The following CLVS1 variants were observed in gnomAD, a reference collection of about 807,000 sequenced individuals.
The protein encoded by CLVS1 is clavesin 1.
In CLVS1, 10 loss-of-function variants were observed where a neutral mutation model predicts 33.1. The observed-to-expected ratio is 0.30, with a 90% CI of 0.19 to 0.51. The LOEUF is 0.51. CLVS1 is among the 20% of genes least tolerant of loss of function. The pLI is 0.97. For missense variants in CLVS1, 343 were observed against 433.4 expected, an observed-to-expected ratio of 0.79 and a Z score of 1.85; for synonymous variants, 163 against 166.1, an observed-to-expected ratio of 0.98 and a Z score of 0.14.
intron 3 of CLVS1, among the ~76,000 whole-genome samples, chr8:61,392,058 C>A (rs1814323345): frequency 6.6e-6 from 1 of 152,052 alleles, no homozygotes; most frequent in Non-Finnish European, 1.5e-5. Context: ...TCCATTAGCC[C>A]AAGTATAATA....
the CLVS1 span, among the ~76,000 whole-genome samples, chr8:61,018,575 C>A: frequency 2.4e-3 from 369 of 152,358 alleles, 2 homozygotes; most frequent in African/African-American, 8.5e-3. Flanking sequence ...ATTTGTGTAA[C>A]ACTGATTAAT....
chr8:61,091,018 C>G, intron 1 of CLVS1: 1 of 455,170 alleles, frequency 2.2e-6, no homozygotes, highest in Non-Finnish European at 4.3e-6. Flanking sequence ...GCACCCTAAT[C>G]CCCAGAACCT....
intron 2 of CLVS1, chr8:61,202,785 C>A (rs1036691478): frequency 6.7e-7 from 1 of 1,485,878 alleles, no homozygotes; most frequent in Non-Finnish European, 9.3e-7. Context: ...GATCTGCCCT[C>A]GGAGGTAGTA....
intron 1 of CLVS1, among the ~76,000 whole-genome samples, chr8:61,069,614 C>T (rs1253548162): frequency 3.9e-5 from 6 of 152,108 alleles, no homozygotes; most frequent in African/African-American, 1.4e-4. Flanking sequence ...GTTTCTGCTT[C>T]CTCTCACCTA....
At chr8:61,273,662 C>T (rs1809502667) in intron 2 of CLVS1, among the ~76,000 whole-genome samples, 1 of 152,230 alleles carries the variant, frequency 6.6e-6, no homozygotes, top group Non-Finnish European at 1.5e-5. Context: ...GCGTAGGACC[C>T]TCCGAGCCAG....
At chr8:61,242,376 G>C (rs1365730682) in intron 2 of CLVS1, among the ~76,000 whole-genome samples, 2 of 151,838 alleles carry the variant, frequency 1.3e-5, no homozygotes, top group Non-Finnish European at 2.9e-5. Flanking sequence ...AATTGTTTCT[G>C]TACATTTACC....
chr8:61,004,344 G>A, the CLVS1 span, among the ~76,000 whole-genome samples: 123 of 152,284 alleles, frequency 8.1e-4, no homozygotes, highest in African/African-American at 2.8e-3. Flanking sequence ...TGTAAAGGGA[G>A]GAAACAACTC....
At chr8:61,214,278 C>T (rs1447529617) in intron 2 of CLVS1, among the ~76,000 whole-genome samples, 3 of 152,152 alleles carry the variant, frequency 2.0e-5, no homozygotes, top group Non-Finnish European at 4.4e-5. Context: ...GTGACCCACA[C>T]CTATTCACAC....
the CLVS1 span, among the ~76,000 whole-genome samples, chr8:60,987,104 A>G: frequency 6.6e-6 from 1 of 152,178 alleles, no homozygotes; most frequent in East Asian, 1.9e-4. Context: ...GTCCAGAGGC[A>G]TTTCTAAGAC....
chr8:61,114,579 C>T (rs559217782), intron 1 of CLVS1, among the ~76,000 whole-genome samples: 7 of 152,322 alleles, frequency 4.6e-5, no homozygotes, highest in African/African-American at 1.7e-4. Flanking sequence ...AGCTGCTACA[C>T]TACATTTCTT....
chr8:61,108,918 G>A (rs1040555006), intron 1 of CLVS1, among the ~76,000 whole-genome samples: 1 of 152,236 alleles, frequency 6.6e-6, no homozygotes. Context: ...CCTTAAGCAG[G>A]ACAACAGCTT....
At chr8:61,466,731 T>C (rs181136067) in intron 5 of CLVS1, among the ~76,000 whole-genome samples, 1,981 of 152,300 alleles carry the variant, frequency 0.013, 46 homozygotes, top group African/African-American at 0.045. Context: ...CACTGCAACC[T>C]CCACCTCCCG....
chr8:61,047,355 T>G, the CLVS1 span, among the ~76,000 whole-genome samples: 2 of 152,230 alleles, frequency 1.3e-5, no homozygotes, highest in African/African-American at 2.4e-5. Context: ...TTACACTGTT[T>G]GTGGAACTGT....
At chr8:61,280,925 G>A (rs1193837963) in intron 2 of CLVS1, among the ~76,000 whole-genome samples, 1 of 152,140 alleles carries the variant, frequency 6.6e-6, no homozygotes, top group East Asian at 1.9e-4. Flanking sequence ...ACCACGCTTG[G>A]AGATCATTAA....
At chr8:61,247,813 C>T (rs1033020452) in intron 2 of CLVS1, among the ~76,000 whole-genome samples, 3 of 152,112 alleles carry the variant, frequency 2.0e-5, no homozygotes, top group Admixed American at 2.0e-4. Context: ...GTCAAATTTG[C>T]TTTTGTTGCC....
chr8:61,142,715 C>T (rs552817635), intron 2 of CLVS1, among the ~76,000 whole-genome samples: 4 of 152,266 alleles, frequency 2.6e-5, no homozygotes, highest in African/African-American at 9.6e-5. Flanking sequence ...GTCTTGTCAA[C>T]TTTAATTTAT....
At chr8:61,292,875 A>G (rs896851153) in intron 1 of CLVS1, among the ~76,000 whole-genome samples, 1 of 152,174 alleles carries the variant, frequency 6.6e-6, no homozygotes, top group Admixed American at 6.5e-5. Context: ...ATTTGCCCCA[A>G]AGAAAACTGC....
the CLVS1 span, among the ~76,000 whole-genome samples, chr8:61,026,980 C>T: frequency 2.0e-5 from 3 of 152,150 alleles, no homozygotes; most frequent in Non-Finnish European, 2.9e-5. Flanking sequence ...GTCTTTCCAT[C>T]GTTGCAGCTG....
intron 3 of CLVS1, among the ~76,000 whole-genome samples, chr8:61,417,607 T>C (rs1164644585): frequency 6.6e-6 from 1 of 152,200 alleles, no homozygotes; most frequent in Non-Finnish European, 1.5e-5. Flanking sequence ...CCTCAGTATA[T>C]AAATTAATTT....
Sources: allele counts gnomAD v4.1 joint callset (sites outside exome capture counted in the v4.1 genomes callset), GRCh38; gene constraint gnomAD v4.1.1; transcripts MANE v1.5; gene names NCBI Gene and HGNC (gene_info 2026-07-23, HGNC 2026-07-21).